LEKR1: variants seen among roughly 807,000 people sequenced by gnomAD.
LEKR1 encodes the protein protein LEKR1.
In LEKR1, 59 loss-of-function variants were observed where a neutral mutation model predicts 72.4. The ratio of observed to expected loss-of-function variants is 0.82; its 90% CI spans 0.66 to 1.01. The LOEUF is 1.01. LEKR1 is among the 50% of genes least tolerant of loss of function. LEKR1 has a pLI of 0.00. For synonymous variants in LEKR1, 257 were observed against 263.2 expected, an observed-to-expected ratio of 0.98 and a Z score of 0.23; for missense variants, 728 against 759.2, an observed-to-expected ratio of 0.96 and a Z score of 0.48.
Position 156,900,703 on chromosome 3 carries a change from A to G in LEKR1, c.264-19872A>G, listed in dbSNP as rs539422662. Among the ~76,000 whole-genome samples the G allele has an allele frequency of 9.5e-4, 145 of 152,348 alleles. No homozygotes were observed. The South Asian group carries it at 0.014, about 15-fold the overall frequency. ...GAAGTAAGTTTCCTAATTGTTTGCTAGAGTATTTGGCTTATTATATTTTTG... is the reference window on the plus strand; with the variant it reads ...GAAGTAAGTTTCCTAATTGTTTGCTGGAGTATTTGGCTTATTATATTTTTG... On this transcript the variant is annotated intron_variant, in intron 3 of 12. Coordinates refer to ENST00000356539, the MANE Select transcript of LEKR1 (RefSeq NM_001004316.3).
At chr3:157,042,452 C>T (rs1373956043) in intron 12 of LEKR1, among the ~76,000 whole-genome samples, 2 of 152,160 alleles carry the variant, frequency 1.3e-5, no homozygotes, top group African/African-American at 2.4e-5. Flanking sequence ...TCAGACTTCA[C>T]TGGGTATAAA....
At chr3:156,877,464 G>A (rs1718741864) in intron 3 of LEKR1, among the ~76,000 whole-genome samples, 1 of 151,808 alleles carries the variant, frequency 6.6e-6, no homozygotes, top group Non-Finnish European at 1.5e-5. Context: ...TTTTTTGTTG[G>A]CAACTTTTTT....
intron 2 of LEKR1, among the ~76,000 whole-genome samples, chr3:156,845,715 A>G (rs9876010): frequency 0.51 from 77,130 of 151,806 alleles, 21,253 homozygotes; most frequent in East Asian, 0.73. Flanking sequence ...ATATCATACA[A>G]TCTTGATTAC....
At chr3:156,886,380 C>T (rs966247748) in intron 3 of LEKR1, among the ~76,000 whole-genome samples, 5 of 152,134 alleles carry the variant, frequency 3.3e-5, no homozygotes, top group African/African-American at 9.7e-5. Context: ...TGCCCCTCCC[C>T]ATATGCCCAC....
At chr3:156,903,656 A>C (rs561637985) in intron 3 of LEKR1, among the ~76,000 whole-genome samples, 2 of 152,254 alleles carry the variant, frequency 1.3e-5, no homozygotes, top group Non-Finnish European at 2.9e-5. Flanking sequence ...TACCCTTAAG[A>C]TTTTCCTTTT....
chr3:156,858,919 G>T (rs1716416589), intron 3 of LEKR1, among the ~76,000 whole-genome samples: 1 of 152,182 alleles, frequency 6.6e-6, no homozygotes, highest in East Asian at 1.9e-4. Context: ...TTTAATCCAA[G>T]AAATACTTGG....
chr3:157,005,301 A>C (rs1307218107), intron 9 of LEKR1, among the ~76,000 whole-genome samples: 2 of 152,148 alleles, frequency 1.3e-5, no homozygotes. Context: ...AAAGAAATTG[A>C]ATTTGTAATT....
intron 12 of LEKR1, among the ~76,000 whole-genome samples, chr3:157,034,050 GA>G (rs35643684): frequency 1.1e-4 from 16 of 147,660 alleles, no homozygotes; most frequent in African/African-American, 1.7e-4. Context: ...CTACTGTTCA[GA>G]AAAAAAAAAA....
chr3:157,013,743 A>T (rs1239050196), intron 10 of LEKR1, among the ~76,000 whole-genome samples: 1 of 152,126 alleles, frequency 6.6e-6, no homozygotes, highest in Non-Finnish European at 1.5e-5. Flanking sequence ...GTTCTCTAAA[A>T]GTCTTCTCAT....
intron 12 of LEKR1, among the ~76,000 whole-genome samples, chr3:157,031,742 G>C (rs1410870229): frequency 6.6e-6 from 1 of 152,048 alleles, no homozygotes; most frequent in Non-Finnish European, 1.5e-5. Flanking sequence ...ATAAATTAAT[G>C]GTCTAATAAG....
chr3:157,028,411 C>A lies in LEKR1; in HGVS notation c.1668+9C>A, dbSNP rs1404098214. 1 of 1,565,454 alleles carries A rather than the reference C, an allele frequency of 6.4e-7. No homozygotes were observed. The highest frequency in any genetic ancestry group is 2.3e-5 in the East Asian group (1 of 44,084). ...ACCAGTCCCAGGAAGAGGTAGGAAG[C>A]AGATAGTGGTAACTTTGCAATTAAT... On this transcript the variant is annotated intron_variant, in intron 12 of 12. Transcript: ENST00000356539.
intron 7 of LEKR1, among the ~76,000 whole-genome samples, chr3:156,985,929 T>C (rs1335398451): frequency 1.3e-5 from 2 of 151,390 alleles, no homozygotes; most frequent in Non-Finnish European, 2.9e-5. Flanking sequence ...AGGATCCTTA[T>C]AAGAGGAAGC....
At position 157,045,693 on chromosome 3, in the gene LEKR1, A is replaced by C. The variant is rs1461164184; in HGVS notation, c.2022A>C (p.Ala674=). 1.2e-6 allele frequency: 2 copies of C among 1,613,424 alleles called. No homozygotes were observed. Among genetic ancestry groups the C allele is most frequent in the African/African-American group, 2.7e-5 (2 of 74,948 alleles). ...PHPPRGGASS[A]NETRQRLAAI... is the part of the protein sequence containing the mutation. ...CTCCCAGGGGTGGAGCATCTTCAGC[A>C]AATGAGACTAGACAGAGACTGGCTG... is the stretch of plus-strand genomic sequence containing the variant. Residue 674 remains alanine, a synonymous_variant, in exon 13 of 13, where the codon GCA becomes GCC. Coordinates refer to ENST00000356539, the MANE Select transcript of LEKR1 (RefSeq NM_001004316.3).
intron 9 of LEKR1, among the ~76,000 whole-genome samples, chr3:157,010,275 A>G (rs117769888): frequency 0.011 from 1,639 of 152,088 alleles, 97 homozygotes; most frequent in Admixed American, 0.094. Flanking sequence ...AAATGAGGAA[A>G]CAGTTTGAGG....
intron 12 of LEKR1, among the ~76,000 whole-genome samples, chr3:157,035,041 C>T (rs1235359658): frequency 1.3e-5 from 2 of 152,172 alleles, no homozygotes; most frequent in African/African-American, 4.8e-5. Context: ...GAAGATACAA[C>T]TTGCTGAAGG....
intron 3 of LEKR1, among the ~76,000 whole-genome samples, chr3:156,854,137 C>CT (rs370896609): frequency 0.035 from 3,840 of 108,198 alleles, 385 homozygotes; most frequent in African/African-American, 0.049. Flanking sequence ...GTAAAAATCA[C>CT]TTTTTTTTTT....
At chr3:156,926,781 T>A (rs760271927) in intron 4 of LEKR1, among the ~76,000 whole-genome samples, 5 of 151,972 alleles carry the variant, frequency 3.3e-5, no homozygotes, top group African/African-American at 9.7e-5. Context: ...TTATAGATCT[T>A]AGTCTACTCA....
At chr3:156,875,910 G>T (rs1343557657) in intron 3 of LEKR1, among the ~76,000 whole-genome samples, 1 of 149,656 alleles carries the variant, frequency 6.7e-6, no homozygotes, top group Non-Finnish European at 1.5e-5. Context: ...CAGGAGAATG[G>T]CATGAACCCG....
chr3:156,926,824 T>C (rs1288982263), intron 4 of LEKR1, among the ~76,000 whole-genome samples: 3 of 151,916 alleles, frequency 2.0e-5, no homozygotes, highest in Non-Finnish European at 4.4e-5. Flanking sequence ...AATTATACTC[T>C]CATGGCTTCA....
Sources: allele counts gnomAD v4.1 joint callset (sites outside exome capture counted in the v4.1 genomes callset), GRCh38; gene constraint gnomAD v4.1.1; transcripts MANE v1.5; gene names NCBI Gene and HGNC (gene_info 2026-07-23, HGNC 2026-07-21).